DPP10: variants seen among roughly 807,000 people sequenced by gnomAD.
The protein encoded by DPP10 is dipeptidyl peptidase like 10, also known as inactive dipeptidyl peptidase 10.
In DPP10, 33 loss-of-function variants were observed where a neutral mutation model predicts 120.9. The observed-to-expected ratio is 0.27, with a 90% CI of 0.21 to 0.37. The LOEUF (loss-of-function observed/expected upper bound fraction) is 0.37, where lower values mean the gene tolerates loss of function less well. Among genes scored for constraint, DPP10 ranks in the 10% least tolerant of loss-of-function variants. The pLI is 1.00. For missense variants in DPP10, 816 were observed against 942.8 expected, an observed-to-expected ratio of 0.87 and a Z score of 1.76; for synonymous variants, 337 against 326.1, an observed-to-expected ratio of 1.03 and a Z score of -0.36.
intron 21 of DPP10, among the ~76,000 whole-genome samples, chr2:115,832,892 G>T (rs968533665): frequency 5.3e-5 from 8 of 152,032 alleles, no homozygotes; most frequent in African/African-American, 1.9e-4. Context: ...ATACAATTAT[G>T]CAGTAATAAC....
At chr2:114,559,891 C>CAAAAAAAAAAAAAAAAAAAAAAAAAGA (rs60833358) in intron 1 of DPP10, among the ~76,000 whole-genome samples, 4 of 65,910 alleles carry the variant, frequency 6.1e-5, no homozygotes, top group Non-Finnish European at 9.3e-5. Flanking sequence ...AGAAAAAAAG[C>CAAAAAAAAAAAAAAAAAAAAAAAAAGA]AAAAAAAAAA....
intron 1 of DPP10, among the ~76,000 whole-genome samples, chr2:115,033,899 T>C (rs1356904361): frequency 1.1e-3 from 154 of 136,144 alleles, no homozygotes; most frequent in Middle Eastern, 7.2e-3. Flanking sequence ...TTTTCTTTTT[T>C]TTTTTTTTTT....
chr2:115,035,353 T>C (rs1387833727), intron 1 of DPP10, among the ~76,000 whole-genome samples: 2 of 152,258 alleles, frequency 1.3e-5, no homozygotes, highest in African/African-American at 4.8e-5. Context: ...AGCCCATTTT[T>C]ATAACACAAA....
chr2:114,792,918 A>G (rs1045535375), intron 1 of DPP10, among the ~76,000 whole-genome samples: 6 of 151,840 alleles, frequency 4.0e-5, no homozygotes, highest in Non-Finnish European at 8.8e-5. Context: ...CTTTCACTGT[A>G]ATAACTCATA....
intron 1 of DPP10, among the ~76,000 whole-genome samples, chr2:115,005,098 G>A (rs530666621): frequency 1.9e-4 from 29 of 151,810 alleles, no homozygotes; most frequent in African/African-American, 6.5e-4. Flanking sequence ...GCACCCTCCA[G>A]CAGGGGCACA....
rs534940266 is a variant in DPP10, at chr2:115,221,695, C to A, written c.61-87544C>A. Among the ~76,000 whole-genome samples, 32 of 149,850 alleles carry A rather than the reference C, an allele frequency of 2.1e-4. No homozygotes were observed. In the South Asian group the frequency reaches 6.6e-3, roughly 31 times the overall value. On this transcript the variant is annotated intron_variant, in intron 1 of 25. Transcript: ENST00000410059. ...GACACTAGAAGAGATTTTTTCATGG[C>A]AATTAGCCTGGCCATCTTGGGCAAA...
intron 1 of DPP10, among the ~76,000 whole-genome samples, chr2:115,138,162 T>A (rs1209415149): frequency 6.6e-6 from 1 of 152,192 alleles, no homozygotes; most frequent in Non-Finnish European, 1.5e-5. Context: ...TGGGTGGCTA[T>A]CTGGAAGAAA....
intron 1 of DPP10, among the ~76,000 whole-genome samples, chr2:114,839,145 C>G (rs1687963655): frequency 6.6e-6 from 1 of 152,110 alleles, no homozygotes; most frequent in Non-Finnish European, 1.5e-5. Context: ...TTTATCTTAG[C>G]AATTATTTCT....
At chr2:115,058,513 C>A (rs1706127471) in intron 1 of DPP10, among the ~76,000 whole-genome samples, 1 of 152,172 alleles carries the variant, frequency 6.6e-6, no homozygotes, top group Admixed American at 6.5e-5. Flanking sequence ...GCTTCTCATG[C>A]CTCAGCCTCC....
chr2:115,052,149 G>A (rs868025932), intron 1 of DPP10, among the ~76,000 whole-genome samples: 2 of 152,018 alleles, frequency 1.3e-5, no homozygotes, highest in African/African-American at 2.4e-5. Flanking sequence ...AGTTTGGGCC[G>A]CTATCTCTCA....
chr2:115,113,718 C>T (rs1394650733), intron 1 of DPP10, among the ~76,000 whole-genome samples: 2 of 152,282 alleles, frequency 1.3e-5, no homozygotes, highest in African/African-American at 4.8e-5. Flanking sequence ...CCTTGAGATA[C>T]ATATTTTGGG....
intron 1 of DPP10, among the ~76,000 whole-genome samples, chr2:114,498,299 A>G (rs531440784): frequency 1.1e-3 from 169 of 152,182 alleles, no homozygotes; most frequent in Admixed American, 2.1e-3. Context: ...GTACCCTTTG[A>G]ACAACAGCTC....
intron 5 of DPP10, among the ~76,000 whole-genome samples, chr2:115,662,145 A>T (rs1409930534): frequency 2.6e-5 from 4 of 152,150 alleles, no homozygotes; most frequent in Non-Finnish European, 4.4e-5. Context: ...GGTTTATTTT[A>T]CTAAGCTTAA....
intron 1 of DPP10, among the ~76,000 whole-genome samples, chr2:114,886,090 C>T (rs1180429602): frequency 6.6e-6 from 1 of 152,062 alleles, no homozygotes; most frequent in Non-Finnish European, 1.5e-5. Flanking sequence ...ATCAAATGAT[C>T]TTACTTTTGG....
intron 1 of DPP10, among the ~76,000 whole-genome samples, chr2:114,761,279 A>C (rs1680258463): frequency 6.6e-6 from 1 of 152,176 alleles, no homozygotes; most frequent in Non-Finnish European, 1.5e-5. Context: ...TAAATCTGGG[A>C]AATACTATAT....
At chr2:115,565,102 A>G (rs759953083) in intron 5 of DPP10, among the ~76,000 whole-genome samples, 1 of 152,152 alleles carries the variant, frequency 6.6e-6, no homozygotes, top group Non-Finnish European at 1.5e-5. Flanking sequence ...CTACCTCCAA[A>G]AAGCAGAAGT....
chr2:115,366,227 A>T (rs2065069098), intron 3 of DPP10, among the ~76,000 whole-genome samples: 1 of 151,890 alleles, frequency 6.6e-6, no homozygotes, highest in Non-Finnish European at 1.5e-5. Flanking sequence ...CTAGCACCTC[A>T]TTCCTGAAAA....
chr2:114,867,379 C>A (rs1034356276), intron 1 of DPP10, among the ~76,000 whole-genome samples: 1 of 152,158 alleles, frequency 6.6e-6, no homozygotes, highest in East Asian at 1.9e-4. Context: ...GCAATCAAAA[C>A]TGGACTTATT....
intron 5 of DPP10, among the ~76,000 whole-genome samples, chr2:115,604,313 T>G (rs2149228013): frequency 6.6e-6 from 1 of 152,286 alleles, no homozygotes; most frequent in East Asian, 1.9e-4. Flanking sequence ...AGACATTTGG[T>G]CTCTGAGTCC....
Sources: gnomAD v4.1 joint callset for allele counts (sites outside exome capture counted in the v4.1 genomes callset) on GRCh38, gnomAD v4.1.1 for gene constraint, MANE v1.5 for transcripts, NCBI Gene and HGNC (gene_info 2026-07-23, HGNC 2026-07-21) for gene names.